SLC25A45: variants seen among roughly 807,000 people sequenced by gnomAD.
SLC25A45 encodes the protein solute carrier family 25 member 45, also known as methylated amino-acid transporter SLC25A45.
In SLC25A45, 22 loss-of-function variants were observed where a neutral mutation model predicts 23.0. That is an observed-to-expected ratio of 0.95 (90% CI 0.68 to 1.36). The LOEUF is 1.36. SLC25A45 is among the 40% of genes most tolerant of loss of function. The probability of loss-of-function intolerance (pLI) is 0.00; values close to 1 mark genes in which losing one functional copy is unlikely to be tolerated. For missense variants in SLC25A45, 355 were observed against 383.5 expected (o/e 0.93, Z 0.62); for synonymous variants, 136 against 155.0 (o/e 0.88, Z 0.91).
Position 65,379,910 on chromosome 11 carries a change from C to T in SLC25A45, c.110G>A (p.Arg37Gln), listed in dbSNP as rs202169779. 190 of 1,614,216 alleles carry T rather than the reference C, an allele frequency of 1.2e-4. No homozygotes were observed. The highest frequency in any genetic ancestry group is 9.9e-4 in the South Asian group (90 of 91,088). ...KVRLQTQTTY[R>Q]GIVDCMVKIY... ...CTTGACCATGCAATCAACGATGCCCCGGTAGGTGGTCTGGGTCTGCAGCCT... is the reference window on the plus strand; with the variant it reads ...CTTGACCATGCAATCAACGATGCCCTGGTAGGTGGTCTGGGTCTGCAGCCT... The change falls in exon 4 of 7, where the codon CGG becomes CAG. Residue 37 changes from arginine to glutamine, a missense_variant. Transcript: ENST00000398802.
chr11:65,383,088 C>G (rs1485976696), upstream of SLC25A45: 4 of 152,562 alleles, frequency 2.6e-5, no homozygotes, highest in Non-Finnish European at 4.4e-5. Context: ...TCAGCGGCAG[C>G]CTGGGGCTCC....
chr11:65,378,216 T>C (rs924899804), intron 5 of SLC25A45: 2 of 151,872 alleles, frequency 1.3e-5, no homozygotes, highest in Non-Finnish European at 2.9e-5. Context: ...CCCACAGGGG[T>C]GGTGGAGTGT....
intron 5 of SLC25A45, chr11:65,377,357 C>T (rs1018608441): frequency 4.6e-5 from 60 of 1,303,816 alleles, no homozygotes; most frequent in Non-Finnish European, 5.7e-5. Context: ...GCACTCAGAA[C>T]AAGCCTGGAT....
intron 5 of SLC25A45, chr11:65,377,506 A>T: frequency 1.3e-6 from 1 of 790,504 alleles, no homozygotes; most frequent in African/African-American, 1.9e-5. Context: ...AGGGTGAAGG[A>T]GGTCCCCTCG....
At chr11:65,380,040 A>G (rs575642668) in intron 3 of SLC25A45, 92 bp downstream of exon 3, 79 of 1,585,876 alleles carry the variant, frequency 5.0e-5, no homozygotes, top group Middle Eastern at 5.0e-4. Flanking sequence ...GAGAGGCAGG[A>G]AAGGCAAGAT....
intron 5 of SLC25A45, chr11:65,377,346 G>A: frequency 2.2e-6 from 3 of 1,334,314 alleles, no homozygotes; most frequent in South Asian, 1.9e-5. Flanking sequence ...GCCTACAGCA[G>A]GCACTCAGAA....
intron 5 of SLC25A45, chr11:65,378,325 A>C (rs965608065): frequency 2.0e-5 from 3 of 152,190 alleles, no homozygotes; most frequent in Admixed American, 6.5e-5. Context: ...ACTCCACACT[A>C]AAACACATTT....
At chr11:65,380,640 G>A in intron 2 of SLC25A45, 1 of 1,288,132 alleles carries the variant, frequency 7.8e-7, no homozygotes, top group East Asian at 5.5e-5. Flanking sequence ...GCCCTGATGG[G>A]GGTCATGCCT....
In SLC25A45 at chr11:65,381,974, T is replaced by C. The variant is rs78982565; in HGVS notation, c.-18-5A>G. 6.2e-3 allele frequency: 9,933 copies of C among 1,610,284 alleles called. 585 individuals are homozygous for C. In the African/African-American group the frequency reaches 0.12, roughly 19 times the overall value. ...CATTGTCTGGGCTTGCGGGAACTGG[T>C]GGCTCCAGCAGAGGAGACAGAGTTG... On this transcript the variant is annotated splice_polypyrimidine_tract_variant and splice_region_variant and intron_variant, in intron 1 of 6. Coordinates refer to ENST00000398802, the MANE Select transcript of SLC25A45 (RefSeq NM_182556.4).
Position 65,381,560 on chromosome 11 carries a change from C to CTTTTTTT in SLC25A45, c.37+348_37+354dup, listed in dbSNP as rs34891223. The CTTTTTTT allele has an allele frequency of 1.2e-3, 103 of 84,648 alleles. 2 individuals carry two copies. Among genetic ancestry groups the CTTTTTTT allele is most frequent in the East Asian group, 1.8e-3 (5 of 2,728 alleles). 5.2% of individuals were successfully genotyped at this position (84,648 alleles called of 1,614,324 possible). Reference sequence around the variant, plus strand: ...AGGTGTGAGCCACCATGCCCTGATTCTTTTTTTTTTTTTTTTTTTTTTTTT... The same window carrying CTTTTTTT: ...AGGTGTGAGCCACCATGCCCTGATTCTTTTTTTTTTTTTTTTTTTTTTTTTTTTTTTT... On this transcript the variant is annotated intron_variant, in intron 2 of 6. Transcript: ENST00000398802.
rs1218331326 is a variant in SLC25A45, at chr11:65,382,118, A to G, written c.-18-149T>C. 3.0e-5 allele frequency: 20 copies of G among 665,662 alleles called. No individual in the cohort carries two copies. The highest frequency in any genetic ancestry group is 4.9e-5 in the Non-Finnish European group (18 of 368,368). 41.2% of individuals were successfully genotyped at this position (665,662 alleles called of 1,614,324 possible). A position where few individuals can be genotyped will look rare whatever the true frequency, so the allele number is the denominator to read the frequency against. ...CTCCGGCAACTGGCAGAGGAGAGCG[A>G]GCCAGTTCCGGTGACCCTGGCCACC... On this transcript the variant is annotated intron_variant, in intron 1 of 6. Transcript: ENST00000398802. This position sits in a 1 kb window ranked among gnomAD's most constrained non-coding sequence, Gnocchi z 4.4.
Position 65,377,161 on chromosome 11 carries a change from C to T in SLC25A45, c.340-85G>A, listed in dbSNP as rs901570494. 5.3e-6 allele frequency: 8 copies of T among 1,501,102 alleles called. No homozygotes were observed. In the African/African-American group the frequency reaches 9.8e-5, roughly 18 times the overall value. 93.0% of individuals were successfully genotyped at this position (1,501,102 alleles called of 1,614,324 possible). ...ATATTCACAAGAGGAAGGAGGCAGG[C>T]AGGGGGCCACATCTTCCAGTCCCTC... On this transcript the variant is annotated intron_variant, in intron 5 of 6. Transcript: ENST00000398802.
intron 4 of SLC25A45, 100 bp from the exon 5 acceptor site, chr11:65,379,661 A>C: frequency 1.5e-6 from 2 of 1,354,782 alleles, no homozygotes; most frequent in Non-Finnish European, 2.0e-6. Flanking sequence ...ACTGCTCCCA[A>C]GTCCTGCCAC....
chr11:65,377,303 C>A, intron 5 of SLC25A45: 1 of 1,391,598 alleles, frequency 7.2e-7, no homozygotes, highest in Non-Finnish European at 9.3e-7. Flanking sequence ...GTGAGAGGCA[C>A]TGCCCCTCAT....
intron 2 of SLC25A45, 40 bp downstream of exon 2, chr11:65,381,875 C>T (rs1034809091): frequency 1.1e-5 from 17 of 1,613,448 alleles, no homozygotes; most frequent in Admixed American, 6.7e-5. Flanking sequence ...AGTGACCTAC[C>T]ATTGGGTGTG....
chr11:65,376,239 G>T lies in SLC25A45; in HGVS notation c.*168C>A. On this transcript the variant is annotated 3_prime_UTR_variant, in exon 7 of 7. Transcript: ENST00000398802. ...AGGCTGCACAGGCCCCCTGGCTTCC[G>T]GCTCCCACAGGTGTCTGCCCAGCCC... is the stretch of plus-strand genomic sequence containing the variant. 2 of 822,902 alleles carry T rather than the reference G, an allele frequency of 2.4e-6. No individual in the cohort carries two copies. The highest frequency in any genetic ancestry group is 2.8e-5 in the Admixed American group (1 of 35,788). The allele number at this position is 822,902 out of a possible 1,614,324, so 51.0% of individuals were successfully genotyped here.
chr11:65,381,136 C>CTT, intron 2 of SLC25A45: 1 of 147,802 alleles, frequency 6.8e-6, no homozygotes, highest in South Asian at 2.1e-4. Flanking sequence ...GGAACCCAGA[C>CTT]TTTTTTTTTT....
chr11:65,375,233 C>A lies in SLC25A45; in HGVS notation c.*1174G>T, dbSNP rs892764411. The A allele has an allele frequency of 4.6e-5, 7 of 152,280 alleles. No individual in the cohort carries two copies. Among genetic ancestry groups the A allele is most frequent in the African/African-American group, 1.7e-4 (7 of 41,450 alleles). The allele number at this position is 152,280 out of a possible 1,614,324, so 9.4% of individuals were successfully genotyped here. Reference sequence around the variant, plus strand: ...TTTATTGCACACGTCTGTTCAAGCACCAGGCTCAGGCTGGAAACCATCCAA... The same window carrying A: ...TTTATTGCACACGTCTGTTCAAGCAACAGGCTCAGGCTGGAAACCATCCAA... On this transcript the variant is annotated 3_prime_UTR_variant, in exon 7 of 7. Coordinates refer to ENST00000398802, the MANE Select transcript of SLC25A45 (RefSeq NM_182556.4).
At chr11:65,381,889 T>C in intron 2 of SLC25A45, 26 bp downstream of exon 2, 1 of 1,614,038 alleles carries the variant, frequency 6.2e-7, no homozygotes, top group Non-Finnish European at 8.5e-7. Flanking sequence ...GGGTGTGATG[T>C]GACAGAAGGA....
Sources: gnomAD v4.1 joint callset for allele counts on GRCh38, gnomAD v4.1.1 for gene constraint, Gnocchi (gnomAD v3.1) non-coding constraint, MANE v1.5 for transcripts, NCBI Gene and HGNC (gene_info 2026-07-23, HGNC 2026-07-21) for gene names.